The following FUT8 variants were observed in gnomAD, a reference collection of about 807,000 sequenced individuals.
The protein encoded by FUT8 is alpha-(1,6)-fucosyltransferase.
A neutral mutation model predicts 71.3 loss-of-function variants in FUT8; 29 were observed. That is an observed-to-expected ratio of 0.41 (90% CI 0.30 to 0.55). The LOEUF (loss-of-function observed/expected upper bound fraction) is 0.55, where lower values mean the gene tolerates loss of function less well. FUT8 is among the 20% of genes least tolerant of loss of function. The pLI, the probability that FUT8 is intolerant of heterozygous loss-of-function variation, is 0.34. For missense variants in FUT8, 544 were observed against 702.1 expected (o/e 0.77, Z 2.55); for synonymous variants, 254 against 239.3 (o/e 1.06, Z -0.57).
intron 3 of FUT8, among the ~76,000 whole-genome samples, chr14:65,587,585 T>G (rs1471821199): frequency 1.3e-5 from 2 of 152,224 alleles, no homozygotes; most frequent in African/African-American, 4.8e-5. Context: ...TAATATTTTA[T>G]GAATAAAATT....
chr14:65,591,987 C>T (rs1289163499), intron 3 of FUT8, among the ~76,000 whole-genome samples: 1 of 151,738 alleles, frequency 6.6e-6, no homozygotes, highest in Non-Finnish European at 1.5e-5. Context: ...TTGCAAGATA[C>T]TTAAAAAAAA....
chr14:65,687,564 T>C (rs573414579), intron 7 of FUT8, among the ~76,000 whole-genome samples: 2 of 152,320 alleles, frequency 1.3e-5, no homozygotes, highest in South Asian at 4.1e-4. Context: ...AATATATATG[T>C]GCATATCTAT....
chr14:65,411,955 C>T (rs2065131850), upstream of FUT8: 1 of 451,502 alleles, frequency 2.2e-6, no homozygotes, highest in Non-Finnish European at 4.5e-6. Flanking sequence ...GTCCACTGCT[C>T]TGCATCGCGG....
At chr14:65,552,208 A>T (rs1885329238) in intron 2 of FUT8, among the ~76,000 whole-genome samples, 1 of 152,166 alleles carries the variant, frequency 6.6e-6, no homozygotes, top group Non-Finnish European at 1.5e-5. Flanking sequence ...TCAGAATGTT[A>T]GTTGCTGTAA....
intron 3 of FUT8, among the ~76,000 whole-genome samples, chr14:65,577,160 T>C (rs895475127): frequency 6.6e-6 from 1 of 152,140 alleles, no homozygotes; most frequent in African/African-American, 2.4e-5. Flanking sequence ...TTACTATAAA[T>C]CTTTATAAGC....
chr14:65,733,619 C>G (rs1896080776), intron 10 of FUT8, among the ~76,000 whole-genome samples: 2 of 152,128 alleles, frequency 1.3e-5, no homozygotes, highest in Non-Finnish European at 2.9e-5. Flanking sequence ...TCCACTGAAG[C>G]CAGTTACTGG....
intron 7 of FUT8, among the ~76,000 whole-genome samples, chr14:65,687,447 A>G (rs1434017261): frequency 1.3e-5 from 2 of 152,164 alleles, no homozygotes; most frequent in African/African-American, 2.4e-5. Context: ...AAATCTGTTT[A>G]TTTAGCATAA....
chr14:65,498,829 C>CT (rs1251071814), intron 2 of FUT8, among the ~76,000 whole-genome samples: 1 of 152,018 alleles, frequency 6.6e-6, no homozygotes, highest in African/African-American at 2.4e-5. Context: ...AAACAGTAGA[C>CT]TTTTTTAGAG....
chr14:65,691,809 G>T (rs887849165), intron 7 of FUT8, among the ~76,000 whole-genome samples: 1 of 151,732 alleles, frequency 6.6e-6, no homozygotes, highest in Non-Finnish European at 1.5e-5. Context: ...GACTCTTAAC[G>T]AGCATGCTGC....
At chr14:65,454,381 C>T (rs548841540) in intron 1 of FUT8, among the ~76,000 whole-genome samples, 1 of 152,136 alleles carries the variant, frequency 6.6e-6, no homozygotes, top group Admixed American at 6.5e-5. Context: ...AATCCCGGCA[C>T]TTTGGGAGGC....
At chr14:65,430,905 G>C (rs988111065) in intron 1 of FUT8, among the ~76,000 whole-genome samples, 5 of 151,428 alleles carry the variant, frequency 3.3e-5, no homozygotes. Context: ...CAATTAATGA[G>C]AAAATGTGCT....
intron 2 of FUT8, among the ~76,000 whole-genome samples, chr14:65,540,315 G>A (rs1178995696): frequency 6.6e-6 from 1 of 152,128 alleles, no homozygotes; most frequent in Non-Finnish European, 1.5e-5. Context: ...CTATTTCCCA[G>A]CCATGTGATT....
At chr14:65,387,966 A>G in the FUT8 span, among the ~76,000 whole-genome samples, 1 of 152,182 alleles carries the variant, frequency 6.6e-6, no homozygotes, top group East Asian at 1.9e-4. Context: ...CCAGAGTATG[A>G]TCATGGCCCA....
chr14:65,465,529 CAA>C (rs2066029883), intron 2 of FUT8, among the ~76,000 whole-genome samples: 1 of 152,152 alleles, frequency 6.6e-6, no homozygotes. Context: ...TATAATTTCT[CAA>C]GACTATTTTT....
intron 6 of FUT8, among the ~76,000 whole-genome samples, chr14:65,653,032 AAC>A (rs1334230781): frequency 6.6e-6 from 1 of 152,146 alleles, no homozygotes; most frequent in Non-Finnish European, 1.5e-5. Flanking sequence ...ATAGATGGAG[AAC>A]AAGCCAGGAG....
chr14:65,425,845 C>T (rs1311058724), intron 1 of FUT8, among the ~76,000 whole-genome samples: 5 of 151,670 alleles, frequency 3.3e-5, no homozygotes, highest in African/African-American at 9.7e-5. Flanking sequence ...GGTGTGGTGG[C>T]GGGCCCCTGT....
At chr14:65,609,730 T>C (rs1888781078) in intron 3 of FUT8, among the ~76,000 whole-genome samples, 1 of 151,922 alleles carries the variant, frequency 6.6e-6, no homozygotes, top group Non-Finnish European at 1.5e-5. Context: ...ATTCATTCAA[T>C]CAGTCATTCA....
chr14:65,537,822 A>G (rs1408953998), intron 2 of FUT8, among the ~76,000 whole-genome samples: 2 of 152,150 alleles, frequency 1.3e-5, no homozygotes, highest in Non-Finnish European at 2.9e-5. Flanking sequence ...TGATTGTGGT[A>G]TAACATGGGT....
chr14:65,563,752 A>G (rs538043358), intron 3 of FUT8, among the ~76,000 whole-genome samples: 31 of 151,960 alleles, frequency 2.0e-4, no homozygotes, highest in Non-Finnish European at 4.1e-4. Flanking sequence ...TGACTGCCAA[A>G]TGTCTTGTTT....
Sources: gnomAD v4.1 joint callset for allele counts (sites outside exome capture counted in the v4.1 genomes callset) on GRCh38, gnomAD v4.1.1 for gene constraint, MANE v1.5 for transcripts, NCBI Gene and HGNC (gene_info 2026-07-23, HGNC 2026-07-21) for gene names.